The following ARPP19 variants were observed in gnomAD, a reference collection of about 807,000 sequenced individuals.
The protein encoded by ARPP19 is cAMP regulated phosphoprotein 19.
A neutral mutation model predicts 12.0 loss-of-function variants in ARPP19; 8 were observed. The observed-to-expected ratio is 0.67, with a 90% CI of 0.39 to 1.21. The LOEUF is 1.21. Ranked by LOEUF, ARPP19 falls within the 50% of genes most tolerant of loss-of-function variation. The pLI, the probability that ARPP19 is intolerant of heterozygous loss-of-function variation, is 0.01. For synonymous variants in ARPP19, 47 were observed against 50.4 expected, an observed-to-expected ratio of 0.93 and a Z score of 0.29; for missense variants, 102 against 136.3, an observed-to-expected ratio of 0.75 and a Z score of 1.25.
At chr15:52,554,876 T>C (rs2077967286) in intron 2 of ARPP19, among the ~76,000 whole-genome samples, 1 of 152,092 alleles carries the variant, frequency 6.6e-6, no homozygotes, top group Non-Finnish European at 1.5e-5. Context: ...AATAATAACA[T>C]TAACCTCATA....
In ARPP19 at chr15:52,568,820, G is replaced by GC. The variant is rs527662444; in HGVS notation, c.45+27dup. On this transcript the variant is annotated intron_variant, in intron 1 of 2. Transcript: ENST00000249822. ...CCCGCCAGACCCGGCCTTGGGCAGG[G>GC]CCCAGGGCTCACGCCCCGCGCGCTC... 1.2e-3 allele frequency: 1,809 copies of GC among 1,552,744 alleles called. 42 individuals carry two copies. The South Asian group carries it at 0.021, about 18-fold the overall frequency.
chr15:52,552,510 C>T (rs147880999), intron 2 of ARPP19, among the ~76,000 whole-genome samples: 72 of 147,462 alleles, frequency 4.9e-4, no homozygotes, highest in African/African-American at 1.8e-3. Context: ...GTCATGTGAA[C>T]CTGGGAGGTG....
chr15:52,565,088 G>A (rs546589561), intron 1 of ARPP19, among the ~76,000 whole-genome samples: 116 of 147,998 alleles, frequency 7.8e-4, no homozygotes, highest in African/African-American at 2.9e-3. Context: ...ACCCAGTGGC[G>A]CCATCAAAGC....
intron 2 of ARPP19, among the ~76,000 whole-genome samples, 167 bp from the exon 3 acceptor site, chr15:52,552,271 C>T (rs1026335678): frequency 1.1e-4 from 16 of 151,848 alleles, no homozygotes; most frequent in South Asian, 4.1e-4. Context: ...AGTCAACAGC[C>T]GAGAAGCCCC....
At position 52,568,920 on chromosome 15, in the gene ARPP19, G is replaced by C. The variant is rs1459628398; in HGVS notation, c.-28C>G. 1 of 1,486,618 alleles carries C rather than the reference G, an allele frequency of 6.7e-7. No individual in the cohort carries two copies. The highest frequency in any genetic ancestry group is 9.1e-7 in the Non-Finnish European group (1 of 1,103,810). 92.1% of individuals were successfully genotyped at this position (1,486,618 alleles called of 1,614,324 possible). On this transcript the variant is annotated 5_prime_UTR_variant, in exon 1 of 3. Transcript: ENST00000249822. ...TGCTCCCTCTGCAGACGAGACGCCG[G>C]GAAAAGATGCAATTAGCGGGTGGCC...
At chr15:52,565,149 A>G (rs1331902307) in intron 1 of ARPP19, among the ~76,000 whole-genome samples, 4 of 151,848 alleles carry the variant, frequency 2.6e-5, no homozygotes, top group Non-Finnish European at 5.9e-5. Context: ...CTGGAGGTCA[A>G]GTGATCCTCC....
rs184080852 is a variant in ARPP19, at chr15:52,555,193, T to C, written c.168+1907A>G. 3.1e-4 allele frequency among the ~76,000 whole-genome samples: 47 copies of C among 152,194 alleles called. No individual in the cohort carries two copies. The East Asian group carries it at 4.4e-3, about 14-fold the overall frequency. ...CATTTTCTTCATTCTCAACTATTTATATCTACAACACCAACTCCAAGATAC... is the reference window on the plus strand; with the variant it reads ...CATTTTCTTCATTCTCAACTATTTACATCTACAACACCAACTCCAAGATAC... On this transcript the variant is annotated intron_variant, in intron 2 of 2. Transcript: ENST00000249822.
chr15:52,557,628 T>C (rs766354985), intron 1 of ARPP19: 3 of 152,994 alleles, frequency 2.0e-5, no homozygotes, highest in Non-Finnish European at 2.9e-5. Context: ...TCTAAAATTA[T>C]GTATGATTTG....
At chr15:52,553,423 T>C (rs545133859) in intron 2 of ARPP19, among the ~76,000 whole-genome samples, 4 of 152,192 alleles carry the variant, frequency 2.6e-5, no homozygotes, top group African/African-American at 7.2e-5. Context: ...ACTAACCTAC[T>C]TGACTTCCAG....
chr15:52,564,072 G>T, intron 1 of ARPP19: 1 of 660,816 alleles, frequency 1.5e-6, no homozygotes, highest in Non-Finnish European at 2.6e-6. Flanking sequence ...ACAGCTTCTG[G>T]ATTAGAAGTT....
intron 2 of ARPP19, among the ~76,000 whole-genome samples, chr15:52,553,048 G>C (rs2077950289): frequency 6.6e-6 from 1 of 152,132 alleles, no homozygotes; most frequent in South Asian, 2.1e-4. Context: ...CTGCACTCCA[G>C]CCTGGGCGAC....
intron 2 of ARPP19, among the ~76,000 whole-genome samples, chr15:52,554,186 A>G (rs567515926): frequency 7.1e-4 from 108 of 152,280 alleles, no homozygotes; most frequent in African/African-American, 2.5e-3. Context: ...CCCCCTATGT[A>G]ATAAACGCAG....
At chr15:52,560,030 A>C (rs1256768693) in intron 1 of ARPP19, among the ~76,000 whole-genome samples, 1 of 152,224 alleles carries the variant, frequency 6.6e-6, no homozygotes, top group Non-Finnish European at 1.5e-5. Context: ...CTCCAAGTCT[A>C]ATAGTTCCCC....
chr15:52,568,676 A>AT lies in ARPP19; in HGVS notation c.45+171dup, dbSNP rs1188295269. On this transcript the variant is annotated intron_variant, in intron 1 of 2. Coordinates refer to ENST00000249822, the MANE Select transcript of ARPP19 (RefSeq NM_006628.6). ...AACGCGGGGCACGTTGGAACTCCCAATTCGTCGGCGCACCAGCCAGCGACG... is the reference window on the plus strand; with the variant it reads ...AACGCGGGGCACGTTGGAACTCCCAATTTCGTCGGCGCACCAGCCAGCGACG... 4 of 492,646 alleles carry AT rather than the reference A, an allele frequency of 8.1e-6. No individual in the cohort carries two copies. In the African/African-American group the frequency reaches 8.2e-5, roughly 10 times the overall value. The allele number at this position is 492,646 out of a possible 1,614,324, so 30.5% of individuals were successfully genotyped here.
chr15:52,548,866 A>ATTCCAACTGTTG lies in ARPP19; in HGVS notation c.*3067_*3068insCAACAGTTGGAA, dbSNP rs1309685251. The ATTCCAACTGTTG allele has an allele frequency of 6.6e-6, 1 of 152,658 alleles. No homozygotes were observed. Among genetic ancestry groups the ATTCCAACTGTTG allele is most frequent in the Non-Finnish European group, 1.5e-5 (1 of 68,042 alleles). The allele number at this position is 152,658 out of a possible 1,614,324, so 9.5% of individuals were successfully genotyped here. A position where few individuals can be genotyped will look rare whatever the true frequency, so the allele number is the denominator to read the frequency against. On this transcript the variant is annotated 3_prime_UTR_variant, in exon 3 of 3. Coordinates refer to ENST00000249822, the MANE Select transcript of ARPP19 (RefSeq NM_006628.6). ...GGTATAGTTTTGTTTCATCAAGTAAAAAGAGCAACTAATTCCAACTGTTGA... is the reference window on the plus strand; with the variant it reads ...GGTATAGTTTTGTTTCATCAAGTAAATTCCAACTGTTGAAGAGCAACTAATTCCAACTGTTGA...
chr15:52,555,326 G>A (rs1341567773), intron 2 of ARPP19, among the ~76,000 whole-genome samples: 1 of 151,994 alleles, frequency 6.6e-6, no homozygotes, highest in African/African-American at 2.4e-5. Flanking sequence ...ATTAGCCAAG[G>A]TTATGCTGGA....
At position 52,551,847 on chromosome 15, in the gene ARPP19, G is replaced by A. The variant is rs2077934522; in HGVS notation, c.*87C>T. On this transcript the variant is annotated 3_prime_UTR_variant, in exon 3 of 3. Coordinates refer to ENST00000249822, the MANE Select transcript of ARPP19 (RefSeq NM_006628.6). ...CAAAGCTGTCAGTCTCAAATGACTAGTGAATGAAAGGAAATAAAAAGTAGA... is the reference window on the plus strand; with the variant it reads ...CAAAGCTGTCAGTCTCAAATGACTAATGAATGAAAGGAAATAAAAAGTAGA... 2 of 1,005,144 alleles carry A rather than the reference G, an allele frequency of 2.0e-6. No individual in the cohort carries two copies. Among genetic ancestry groups the A allele is most frequent in the Non-Finnish European group, 3.0e-6 (2 of 660,112 alleles). 62.3% of individuals were successfully genotyped at this position (1,005,144 alleles called of 1,614,324 possible).
At chr15:52,565,680 A>G (rs1398155495) in intron 1 of ARPP19, among the ~76,000 whole-genome samples, 1 of 152,160 alleles carries the variant, frequency 6.6e-6, no homozygotes, top group African/African-American at 2.4e-5. Context: ...TAAAAGGGGA[A>G]CTGAGCCACC....
chr15:52,559,844 C>A (rs927202349), intron 1 of ARPP19, among the ~76,000 whole-genome samples: 1 of 152,166 alleles, frequency 6.6e-6, no homozygotes. Flanking sequence ...GGTTTCCCTG[C>A]ACAGCTGGCT....
Sources: allele counts gnomAD v4.1 joint callset (sites outside exome capture counted in the v4.1 genomes callset), GRCh38; gene constraint gnomAD v4.1.1; transcripts MANE v1.5; gene names NCBI Gene and HGNC (gene_info 2026-07-23, HGNC 2026-07-21).